The following RAB11FIP5 variants were observed in gnomAD, a reference collection of about 807,000 sequenced individuals.
The protein encoded by RAB11FIP5 is rab11 family-interacting protein 5.
RAB11FIP5 carries 48 observed loss-of-function variants against 85.1 expected under a neutral mutation model. The ratio of observed to expected loss-of-function variants is 0.56; its 90% CI spans 0.45 to 0.72. The LOEUF (loss-of-function observed/expected upper bound fraction) is 0.72. Ranked by LOEUF, RAB11FIP5 falls within the 30% of genes least tolerant of loss-of-function variation. The pLI is 0.00. For synonymous variants in RAB11FIP5, 729 were observed against 727.3 expected, an observed-to-expected ratio of 1.00 and a Z score of -0.04; for missense variants, 1,491 against 1,687.0, an observed-to-expected ratio of 0.88 and a Z score of 2.04.
Position 73,076,133 on chromosome 2 carries a change from C to A in RAB11FIP5, c.3631G>T (p.Asp1211Tyr). Reference protein sequence around the residue: ...LSAAPVEGSPDRKQSRSSLSI... With the variant: ...LSAAPVEGSPYRKQSRSSLSI... ...AGACTGGAGCGGGACTGCTTCCTGT[C>A]GGGGCTGCCCTCCACAGGGGCGGCA... The change falls in exon 5 of 6, where the codon GAC (aspartate) becomes TAC (tyrosine). Residue 1211 changes from aspartate (D) to tyrosine (Y), a missense_variant. This residue lies in a region of RAB11FIP5 where 232 missense variants were observed against 259.1 expected (regional missense o/e 0.90). Transcript: ENST00000486777. 2 of 1,613,792 alleles carry A rather than the reference C, an allele frequency of 1.2e-6. No individual in the cohort carries two copies. Among genetic ancestry groups the A allele is most frequent in the Non-Finnish European group, 1.7e-6 (2 of 1,179,760 alleles).
In RAB11FIP5 at chr2:73,112,381, C is replaced by G; in HGVS notation, c.397G>C (p.Glu133Gln). The G allele has an allele frequency of 6.2e-7, 1 of 1,600,610 alleles. No individual in the cohort carries two copies. The highest frequency in any genetic ancestry group is 8.5e-7 in the Non-Finnish European group (1 of 1,176,602). ...FLGQATVALD[E>Q]VFGAGRAQHT... ...TGGGCGCGGCCTGCGCCGAAGACCT[C>G]GTCCAGCGCCACCGTGGCCTGGCCC... The change falls in exon 1 of 6, where the codon GAG (glutamate) becomes CAG (glutamine). Residue 133 changes from glutamate (E) to glutamine (Q), a missense_variant. Transcript: ENST00000486777.
chr2:73,077,170 A>C (rs12104691), intron 4 of RAB11FIP5, among the ~76,000 whole-genome samples: 1 of 151,956 alleles, frequency 6.6e-6, no homozygotes, highest in Non-Finnish European at 1.5e-5. Context: ...TCAGGTGCAG[A>C]CTGGCTTGCT....
At chr2:73,077,230 CT>C (rs1683880824) in intron 4 of RAB11FIP5, among the ~76,000 whole-genome samples, 1 of 152,250 alleles carries the variant, frequency 6.6e-6, no homozygotes, top group South Asian at 2.1e-4. Context: ...CACACCTCCT[CT>C]GTGCTGCCCT....
rs1684086233 is a variant in RAB11FIP5 at position 73,086,084 on chromosome 2, A to G, written c.1568+1966T>C. ...TCCAGGCCAGCCTTCCCCTCCCTGC[A>G]AGGCACACAAGGCCAGGATGCTGCT... On this transcript the variant is annotated intron_variant, in intron 3 of 5. Coordinates refer to ENST00000486777, the MANE Select transcript of RAB11FIP5 (RefSeq NM_001371272.1). This position sits in a 1 kb window ranked among gnomAD's most constrained non-coding sequence, Gnocchi z 4.4. 6.6e-6 allele frequency among the ~76,000 whole-genome samples: 1 copy of G among 152,136 alleles called. No individual in the cohort carries two copies. The highest frequency in any genetic ancestry group is 1.5e-5 in the Non-Finnish European group (1 of 68,022).
Position 73,089,486 on chromosome 2 carries a change from C to A in RAB11FIP5, c.432-171G>T. 1 of 741,250 alleles carries A rather than the reference C, an allele frequency of 1.3e-6. No homozygotes were observed. The highest frequency in any genetic ancestry group is 2.4e-6 in the Non-Finnish European group (1 of 416,488). The allele number at this position is 741,250 out of a possible 1,614,324, so 45.9% of individuals were successfully genotyped here. On this transcript the variant is annotated intron_variant, in intron 1 of 5. Coordinates refer to ENST00000486777, the MANE Select transcript of RAB11FIP5 (RefSeq NM_001371272.1). This position sits in a 1 kb window ranked among gnomAD's most constrained non-coding sequence, Gnocchi z 4.6. ...CTGGGCTTCCAGGCTTCAGATGCAG[C>A]TGAGAAACTATCCAAAACATTTCCA...
chr2:73,095,741 T>G (rs541325485), intron 1 of RAB11FIP5, among the ~76,000 whole-genome samples: 1 of 152,350 alleles, frequency 6.6e-6, no homozygotes, highest in Admixed American at 6.5e-5. Context: ...CCTTAACCTT[T>G]AAGGTTTAGC....
intron 1 of RAB11FIP5, among the ~76,000 whole-genome samples, chr2:73,096,559 G>T (rs2106117245): frequency 6.6e-6 from 1 of 152,148 alleles, no homozygotes; most frequent in East Asian, 1.9e-4. Flanking sequence ...AAACAACCTA[G>T]AAACCAGATT....
Position 73,075,419 on chromosome 2 carries a change from GC to G in RAB11FIP5, c.*101del, listed in dbSNP as rs1683833305. ...AGGGAGAGGAGCAAGGAGTGACAAG[GC>G]AAGACAGACGATGCCCCACTGCAGA... On this transcript the variant is annotated 3_prime_UTR_variant, in exon 6 of 6. Coordinates refer to ENST00000486777, the MANE Select transcript of RAB11FIP5 (RefSeq NM_001371272.1). This position sits in a 1 kb window ranked among gnomAD's most constrained non-coding sequence, Gnocchi z 4.6. 7 of 1,211,226 alleles carry G rather than the reference GC, an allele frequency of 5.8e-6. No individual in the cohort carries two copies. Among genetic ancestry groups the G allele is most frequent in the Non-Finnish European group, 7.4e-6 (6 of 814,778 alleles). The allele number at this position is 1,211,226 out of a possible 1,614,324, so 75.0% of individuals were successfully genotyped here. A position where few individuals can be genotyped will look rare whatever the true frequency, so the allele number is the denominator to read the frequency against.
At chr2:73,076,443 A>G (rs1345584875) in intron 4 of RAB11FIP5, among the ~76,000 whole-genome samples, 1 of 151,526 alleles carries the variant, frequency 6.6e-6, no homozygotes, top group Non-Finnish European at 1.5e-5. Flanking sequence ...TGACCCTTTC[A>G]CAGGGACAGC....
chr2:73,096,421 G>GCA (rs1684321505), intron 1 of RAB11FIP5, among the ~76,000 whole-genome samples: 1 of 152,108 alleles, frequency 6.6e-6, no homozygotes, highest in African/African-American at 2.4e-5. Context: ...GGGGTGTGGG[G>GCA]GCTATGGGTA....
chr2:73,090,147 A>G (rs1433314774), intron 1 of RAB11FIP5, among the ~76,000 whole-genome samples: 10 of 152,166 alleles, frequency 6.6e-5, no homozygotes. Context: ...CAGGAGGGTG[A>G]GGCTCAGTGG....
At chr2:73,097,907 C>T (rs1157429723) in intron 1 of RAB11FIP5, among the ~76,000 whole-genome samples, 1 of 152,142 alleles carries the variant, frequency 6.6e-6, no homozygotes. Context: ...ATCTCTTGGC[C>T]CAAAAAGGCC....
chr2:73,080,590 G>A lies in RAB11FIP5; in HGVS notation c.2642C>T (p.Pro881Leu), dbSNP rs953651424. 105 of 1,232,384 alleles carry A rather than the reference G, an allele frequency of 8.5e-5. No individual in the cohort carries two copies. Among genetic ancestry groups the A allele is most frequent in the Middle Eastern group, 3.1e-4 (1 of 3,212 alleles). The allele number at this position is 1,232,384 out of a possible 1,614,324, so 76.3% of individuals were successfully genotyped here. A position where few individuals can be genotyped will look rare whatever the true frequency, so the allele number is the denominator to read the frequency against. The change falls in exon 4 of 6, where the codon CCG (proline) becomes CTG (leucine). Residue 881 changes from proline (P) to leucine (L), a missense_variant. Pro to Leu is a moderately conservative substitution (Grantham distance 98, BLOSUM62 -3). Coordinates refer to ENST00000486777, the MANE Select transcript of RAB11FIP5 (RefSeq NM_001371272.1). ...CCACTCGGGTTTAGGCTCGGGCTCC[G>A]GTGGGGGAAGCCCCTCGCTCCCCTT... ...SPKGSEGLPPPEPEPKPEWVS... is the reference protein window; with the variant it reads ...SPKGSEGLPPLEPEPKPEWVS...
At position 73,080,474 on chromosome 2, in the gene RAB11FIP5, T is replaced by C; in HGVS notation, c.2758A>G (p.Lys920Glu). ...CTGTTACTCAGCCCCACTGCGGCCTTCTCCTCCTCCTCCTCCTGGGATCTT... is the reference window on the plus strand; with the variant it reads ...CTGTTACTCAGCCCCACTGCGGCCTCCTCCTCCTCCTCCTCCTGGGATCTT... ...PSRSQEEEEEKAAVGLSNRGP... is the reference protein window; with the variant it reads ...PSRSQEEEEEEAAVGLSNRGP... Residue 920 changes from lysine to glutamate, a missense_variant, in exon 4 of 6, where the codon AAG (lysine) becomes GAG (glutamate). Around this residue, in one of 3 missense-constraint regions of RAB11FIP5, gnomAD observed 1,211 missense variants for 1,338.0 expected, o/e 0.91. Transcript: ENST00000486777. The C allele has an allele frequency of 8.1e-7, 1 of 1,230,608 alleles. No individual in the cohort carries two copies. The highest frequency in any genetic ancestry group is 1.0e-6 in the Non-Finnish European group (1 of 986,292). The allele number at this position is 1,230,608 out of a possible 1,614,324, so 76.2% of individuals were successfully genotyped here. A position where few individuals can be genotyped will look rare whatever the true frequency, so the allele number is the denominator to read the frequency against.
chr2:73,080,538 GC>G lies in RAB11FIP5; in HGVS notation c.2693del (p.Ser898ThrfsTer28). The G allele has an allele frequency of 8.1e-6, 10 of 1,232,664 alleles. No individual in the cohort carries two copies. Among genetic ancestry groups the G allele is most frequent in the Non-Finnish European group, 1.0e-5 (10 of 988,196 alleles). The allele number at this position is 1,232,664 out of a possible 1,614,324, so 76.4% of individuals were successfully genotyped here. ...EWVSDKGLQP[S>X]TPPPKPPRLF... ...GGCGCGGTGGCTTGGGAGGTGGGGT[GC>G]TGGGCTGCAGCCCCTTGTCAGACAC... On this transcript the variant is annotated frameshift_variant, in exon 4 of 6. Coordinates refer to ENST00000486777, the MANE Select transcript of RAB11FIP5 (RefSeq NM_001371272.1). LOFTEE classifies it high-confidence loss of function.
Position 73,075,311 on chromosome 2 carries a change from A to G in RAB11FIP5, c.*210T>C, listed in dbSNP as rs1371980074. 1.4e-6 allele frequency: 1 copy of G among 709,122 alleles called. No individual in the cohort carries two copies. The highest frequency in any genetic ancestry group is 1.5e-5 in the South Asian group (1 of 66,928). 43.9% of individuals were successfully genotyped at this position (709,122 alleles called of 1,614,324 possible). A position where few individuals can be genotyped will look rare whatever the true frequency, so the allele number is the denominator to read the frequency against. On this transcript the variant is annotated 3_prime_UTR_variant, in exon 6 of 6. Transcript: ENST00000486777. The surrounding 1 kb of genome is among the most constrained non-coding windows in gnomAD (Gnocchi z 4.6). ...AGGTGGGAAAGACCCAGGGCTCCCA[A>G]AGACACACAAGTTGTGCACAGAACC...
Position 73,088,381 on chromosome 2 carries a change from G to C in RAB11FIP5, c.1237C>G (p.Leu413Val), listed in dbSNP as rs1236355802. 2.5e-6 allele frequency: 4 copies of C among 1,613,758 alleles called. No homozygotes were observed. In the Admixed American group the frequency reaches 6.7e-5, roughly 27 times the overall value. ...CCAGGGTGGCTGGCCCCAGGGGCCA[G>C]GACTTTAGCCTGAGCACTCAGCTCC... ...QEELSAQAKV[L>V]APGASHPGEE... is the part of the protein sequence containing the mutation. The change falls in exon 3 of 6, where the codon CTG becomes GTG. Residue 413 changes from leucine (L) to valine (V), a missense_variant. By Grantham distance (32) the Leu-to-Val change is conservative. Around this residue, in one of 3 missense-constraint regions of RAB11FIP5, gnomAD observed 1,211 missense variants for 1,338.0 expected, o/e 0.91. Coordinates refer to ENST00000486777, the MANE Select transcript of RAB11FIP5 (RefSeq NM_001371272.1).
rs949512498 is a variant in RAB11FIP5 at position 73,081,598 on chromosome 2, G to A, written c.1634C>T (p.Pro545Leu). 3 of 1,215,034 alleles carry A rather than the reference G, an allele frequency of 2.5e-6. No individual in the cohort carries two copies. Among genetic ancestry groups the A allele is most frequent in the Non-Finnish European group, 3.1e-6 (3 of 972,334 alleles). The allele number at this position is 1,215,034 out of a possible 1,614,324, so 75.3% of individuals were successfully genotyped here. The change falls in exon 4 of 6, where the codon CCC (proline) becomes CTC (leucine). Residue 545 changes from proline to leucine, a missense_variant. By Grantham distance (98) the Pro-to-Leu change is moderately conservative. Around this residue, in one of 3 missense-constraint regions of RAB11FIP5, gnomAD observed 1,211 missense variants for 1,338.0 expected, o/e 0.91. Coordinates refer to ENST00000486777, the MANE Select transcript of RAB11FIP5 (RefSeq NM_001371272.1). This position sits in a 1 kb window ranked among gnomAD's most constrained non-coding sequence, Gnocchi z 4.2. ...AGGAGTGGGAGGGGCCGGAGCCCAG[G>A]GGGAGCAGGGGAGGTGGTGAGGAAG... is the stretch of plus-strand genomic sequence containing the variant. ...AALPHHLPCSPWAPAPPTPAP... is the reference protein window; with the variant it reads ...AALPHHLPCSLWAPAPPTPAP...
intron 4 of RAB11FIP5, among the ~76,000 whole-genome samples, chr2:73,077,468 C>G (rs935713199): frequency 6.6e-6 from 1 of 152,230 alleles, no homozygotes; most frequent in Non-Finnish European, 1.5e-5. Flanking sequence ...TCCAACCATG[C>G]TGCTGCAGGA....
Sources: allele counts gnomAD v4.1 joint callset (sites outside exome capture counted in the v4.1 genomes callset), GRCh38; gene constraint gnomAD v4.1.1; regional missense constraint gnomAD v4.1.1; non-coding constraint Gnocchi (gnomAD v3.1); transcripts MANE v1.5; gene names NCBI Gene and HGNC (gene_info 2026-07-23, HGNC 2026-07-21).